Variants in SLX4IP observed in about 807,000 individuals in gnomAD.
SLX4IP encodes the protein protein SLX4IP.
In SLX4IP, 34 loss-of-function variants were observed where a neutral mutation model predicts 32.9. The observed-to-expected ratio is 1.03, with a 90% CI of 0.79 to 1.38. SLX4IP has a LOEUF of 1.38. Among genes scored for constraint, SLX4IP ranks in the 40% most tolerant of loss-of-function variants. The pLI is 0.00. For missense variants in SLX4IP, 444 were observed against 479.0 expected (o/e 0.93, Z 0.68); for synonymous variants, 172 against 171.7 (o/e 1.00, Z -0.01).
At chr20:10,563,390 T>C (rs927503315) in intron 4 of SLX4IP, among the ~76,000 whole-genome samples, 1 of 152,238 alleles carries the variant, frequency 6.6e-6, no homozygotes, top group Non-Finnish European at 1.5e-5. Flanking sequence ...CTTTGCTGTA[T>C]AGAAGATTTT....
At chr20:10,612,109 T>C (rs1165185192) in intron 6 of SLX4IP, among the ~76,000 whole-genome samples, 2 of 152,238 alleles carry the variant, frequency 1.3e-5, no homozygotes, top group African/African-American at 2.4e-5. Flanking sequence ...AAAAGGACTT[T>C]GGGAATCATA....
intron 6 of SLX4IP, among the ~76,000 whole-genome samples, chr20:10,612,469 A>C (rs977786925): frequency 1.3e-5 from 2 of 152,212 alleles, no homozygotes; most frequent in Admixed American, 6.5e-5. Flanking sequence ...AAGCAGTAAC[A>C]TTTTGAATAT....
intron 6 of SLX4IP, chr20:10,613,686 A>G (rs1388741718): frequency 6.2e-7 from 1 of 1,613,618 alleles, no homozygotes; most frequent in Non-Finnish European, 8.5e-7. Flanking sequence ...TTCTTTGACA[A>G]AGGCGTTATA....
At chr20:10,570,376 G>A (rs2066447835) in intron 4 of SLX4IP, among the ~76,000 whole-genome samples, 1 of 152,168 alleles carries the variant, frequency 6.6e-6, no homozygotes, top group African/African-American at 2.4e-5. Context: ...CTCATGTTGA[G>A]CCACATACCA....
chr20:10,523,914 G>A (rs1018323861), intron 2 of SLX4IP, among the ~76,000 whole-genome samples: 3 of 152,260 alleles, frequency 2.0e-5, no homozygotes, highest in Non-Finnish European at 2.9e-5. Flanking sequence ...AGTAGGTGAA[G>A]TATCATTTTT....
At chr20:10,501,830 CT>C (rs920973173) in intron 2 of SLX4IP, among the ~76,000 whole-genome samples, 12 of 152,180 alleles carry the variant, frequency 7.9e-5, no homozygotes, top group African/African-American at 2.9e-4. Flanking sequence ...ACGCAGACAA[CT>C]TTTTAAAAAA....
In SLX4IP at chr20:10,460,150, T is replaced by A. The variant is rs759984807; in HGVS notation, c.27+1919T>A. Among the ~76,000 whole-genome samples the A allele has an allele frequency of 3.1e-4, 47 of 152,228 alleles. 1 individual carries two copies. The highest frequency in any genetic ancestry group is 6.3e-4 in the Non-Finnish European group (43 of 68,034). ...CACTATTTGTGTGTCTAAAAATGTATTTGGTCTCACCCTAGAAAGATATTT... is the reference window on the plus strand; with the variant it reads ...CACTATTTGTGTGTCTAAAAATGTAATTGGTCTCACCCTAGAAAGATATTT... On this transcript the variant is annotated intron_variant, in intron 2 of 7. Transcript: ENST00000334534.
intron 2 of SLX4IP, among the ~76,000 whole-genome samples, chr20:10,512,182 G>T (rs1600946302): frequency 6.6e-6 from 1 of 152,324 alleles, no homozygotes. Flanking sequence ...GAGCATGGCT[G>T]TGTTCTAGTA....
intron 4 of SLX4IP, among the ~76,000 whole-genome samples, chr20:10,585,976 AC>A (rs147964453): frequency 0.019 from 2,888 of 152,158 alleles, 67 homozygotes; most frequent in African/African-American, 0.055. Context: ...GGTTTATCTT[AC>A]CAAGCCTACC....
intron 2 of SLX4IP, among the ~76,000 whole-genome samples, chr20:10,515,079 C>CTTTTTTTTTTTT (rs35576843): frequency 2.4e-5 from 2 of 82,890 alleles, no homozygotes; most frequent in Non-Finnish European, 4.4e-5. Context: ...TAAGTTGAAG[C>CTTTTTTTTTTTT]TTTTTTTTTT....
chr20:10,525,994 A>T (rs1230930461), intron 2 of SLX4IP, among the ~76,000 whole-genome samples: 1 of 152,124 alleles, frequency 6.6e-6, no homozygotes, highest in Non-Finnish European at 1.5e-5. Context: ...GAGCAGCAGA[A>T]GGGCCCCACT....
chr20:10,549,797 G>T (rs185626154), intron 2 of SLX4IP, among the ~76,000 whole-genome samples: 12 of 152,298 alleles, frequency 7.9e-5, no homozygotes, highest in Non-Finnish European at 1.5e-5. Flanking sequence ...TTAATTGAAT[G>T]CTCTGAGTAA....
intron 6 of SLX4IP, among the ~76,000 whole-genome samples, chr20:10,606,883 A>C (rs889394121): frequency 2.6e-5 from 4 of 151,722 alleles, no homozygotes; most frequent in Non-Finnish European, 5.9e-5. Flanking sequence ...CTACATGAAG[A>C]CTTCTTATCT....
At chr20:10,494,371 A>G (rs1600928429) in intron 2 of SLX4IP, among the ~76,000 whole-genome samples, 1 of 150,066 alleles carries the variant, frequency 6.7e-6, no homozygotes, top group African/African-American at 2.4e-5. Flanking sequence ...TACTGTTATA[A>G]TATCATTATT....
chr20:10,556,426 T>C, intron 3 of SLX4IP, 106 bp downstream of exon 3: 1 of 1,123,460 alleles, frequency 8.9e-7, no homozygotes, highest in South Asian at 1.4e-5. Context: ...AAATGTTGCG[T>C]ATTTAATCCT....
At chr20:10,479,210 G>C (rs893225366) in intron 2 of SLX4IP, among the ~76,000 whole-genome samples, 2 of 152,198 alleles carry the variant, frequency 1.3e-5, no homozygotes, top group African/African-American at 2.4e-5. Context: ...GTCTGGGTAA[G>C]TCATCTGCGG....
chr20:10,571,210 C>T (rs1265684812), intron 4 of SLX4IP, among the ~76,000 whole-genome samples: 2 of 152,124 alleles, frequency 1.3e-5, no homozygotes, highest in East Asian at 1.9e-4. Context: ...GTCCCAGGTT[C>T]GGGCACCGAG....
At chr20:10,585,364 A>G (rs148240801) in intron 4 of SLX4IP, among the ~76,000 whole-genome samples, 1 of 152,066 alleles carries the variant, frequency 6.6e-6, no homozygotes, top group African/African-American at 2.4e-5. Flanking sequence ...TAACTACTCC[A>G]TGTGGGCCCC....
chr20:10,495,097 C>T (rs186765508), intron 2 of SLX4IP, among the ~76,000 whole-genome samples: 138 of 152,212 alleles, frequency 9.1e-4, no homozygotes, highest in African/African-American at 3.1e-3. Context: ...TAAATACATA[C>T]AATTTTTATT....
Sources: allele counts gnomAD v4.1 joint callset (sites outside exome capture counted in the v4.1 genomes callset), GRCh38; gene constraint gnomAD v4.1.1; transcripts MANE v1.5; gene names NCBI Gene and HGNC (gene_info 2026-07-23, HGNC 2026-07-21).